Variants in CIROZ observed in about 807,000 individuals in gnomAD.
CIROZ encodes ciliated left-right organizer protein containing ZP-N domains.
At chr1:10,969,959 C>T in the CIROZ span, 1 of 1,524,272 alleles carries the variant, frequency 6.6e-7, no homozygotes, top group Non-Finnish European at 8.8e-7. Flanking sequence ...CAGCCACCGA[C>T]CACCTCTTAC....
chr1:10,951,568 T>G, the CIROZ span, among the ~76,000 whole-genome samples: 1 of 146,856 alleles, frequency 6.8e-6, no homozygotes, highest in Non-Finnish European at 1.5e-5. Context: ...AAAAAAAAAG[T>G]TTAAAAACTA....
At chr1:10,980,535 A>T in the CIROZ span, among the ~76,000 whole-genome samples, 3 of 152,256 alleles carry the variant, frequency 2.0e-5, no homozygotes, top group Non-Finnish European at 4.4e-5. Context: ...AGGTTCTCCC[A>T]GAGCGAGTAA....
At chr1:10,960,255 T>A in the CIROZ span, among the ~76,000 whole-genome samples, 1 of 151,888 alleles carries the variant, frequency 6.6e-6, no homozygotes, top group African/African-American at 2.4e-5. The surrounding 1 kb of genome is among the most constrained non-coding windows in gnomAD (Gnocchi z 4.6). Context: ...AATAAAAAAA[T>A]TAGCCAGGAG....
the CIROZ span, among the ~76,000 whole-genome samples, chr1:10,960,090 A>G: frequency 6.1e-3 from 932 of 152,294 alleles, 10 homozygotes; most frequent in African/African-American, 0.021. This position sits in a 1 kb window ranked among gnomAD's most constrained non-coding sequence, Gnocchi z 4.6. Context: ...CAATTCTGCT[A>G]AAAGAAGGAA....
the CIROZ span, chr1:10,949,871 C>A: frequency 6.9e-6 from 10 of 1,446,980 alleles, no homozygotes; most frequent in South Asian, 5.5e-5. Flanking sequence ...ATCCTCCCAA[C>A]ACCCTGCTGA....
At chr1:10,981,963 A>G in the CIROZ span, 1 of 1,534,684 alleles carries the variant, frequency 6.5e-7, no homozygotes, top group Non-Finnish European at 8.7e-7. Flanking sequence ...GTGTGGGCAC[A>G]CTAAGCATGC....
the CIROZ span, among the ~76,000 whole-genome samples, chr1:10,961,484 C>A: frequency 7.8e-4 from 119 of 152,312 alleles, no homozygotes; most frequent in African/African-American, 2.2e-3. Flanking sequence ...CCCAGGTCTT[C>A]TGAGCTGGGC....
the CIROZ span, among the ~76,000 whole-genome samples, chr1:10,978,949 G>A: frequency 6.6e-6 from 1 of 151,868 alleles, no homozygotes; most frequent in Non-Finnish European, 1.5e-5. Flanking sequence ...AAAATTGTGG[G>A]AAGCCCTGGA....
chr1:10,969,098 G>A, the CIROZ span, among the ~76,000 whole-genome samples: 363 of 152,212 alleles, frequency 2.4e-3, 6 homozygotes, highest in African/African-American at 8.6e-3. Context: ...AGGCCCTACC[G>A]GTCCCAGAAG....
the CIROZ span, among the ~76,000 whole-genome samples, chr1:10,960,810 T>A: frequency 6.6e-6 from 1 of 151,862 alleles, no homozygotes; most frequent in Non-Finnish European, 1.5e-5. The surrounding 1 kb of genome is among the most constrained non-coding windows in gnomAD (Gnocchi z 4.6). Flanking sequence ...CGGCTTTAAT[T>A]AAAACTTAAT....
At chr1:10,953,502 C>T in the CIROZ span, among the ~76,000 whole-genome samples, 8 of 152,296 alleles carry the variant, frequency 5.3e-5, no homozygotes, top group East Asian at 3.9e-4. Context: ...CAAGTTGCAT[C>T]GTGTCGTGCT....
the CIROZ span, among the ~76,000 whole-genome samples, chr1:10,969,276 C>T: frequency 6.6e-6 from 1 of 152,086 alleles, no homozygotes; most frequent in African/African-American, 2.4e-5. Flanking sequence ...GGGAAGCAAG[C>T]TATTTGCTCC....
the CIROZ span, among the ~76,000 whole-genome samples, chr1:10,979,812 C>T: frequency 2.0e-5 from 3 of 152,184 alleles, no homozygotes; most frequent in East Asian, 1.9e-4. Context: ...CTTTGGGAAG[C>T]GGAGGCGGGC....
the CIROZ span, chr1:10,948,465 G>A: frequency 6.2e-7 from 1 of 1,614,036 alleles, no homozygotes. Flanking sequence ...GGGACTTCCT[G>A]GAGACTTGGC....
chr1:10,960,030 G>A, the CIROZ span, among the ~76,000 whole-genome samples: 2 of 152,204 alleles, frequency 1.3e-5, no homozygotes, highest in Non-Finnish European at 2.9e-5. This position sits in a 1 kb window ranked among gnomAD's most constrained non-coding sequence, Gnocchi z 4.6. Flanking sequence ...TGCTGAACCA[G>A]GAAGAAGACA....
the CIROZ span, among the ~76,000 whole-genome samples, chr1:10,953,758 C>A: frequency 6.6e-6 from 1 of 152,148 alleles, no homozygotes; most frequent in Non-Finnish European, 1.5e-5. Context: ...AATGGATGCA[C>A]CCCCATCCGC....
the CIROZ span, among the ~76,000 whole-genome samples, chr1:10,963,668 T>G: frequency 6.6e-6 from 1 of 151,996 alleles, no homozygotes. Flanking sequence ...CTTTCTTCCC[T>G]GATGTTTAAA....
the CIROZ span, chr1:10,948,582 G>A: frequency 6.2e-7 from 1 of 1,614,090 alleles, no homozygotes; most frequent in African/African-American, 1.3e-5. Context: ...TGGCGGTGAA[G>A]GAGAGGAGGC....
At chr1:10,958,004 A>C in the CIROZ span, among the ~76,000 whole-genome samples, 8 of 152,234 alleles carry the variant, frequency 5.3e-5, no homozygotes, top group South Asian at 1.7e-3. Context: ...CGCAACTGAA[A>C]GAACGAACAC....
Sources: gnomAD v4.1 joint callset for allele counts (sites outside exome capture counted in the v4.1 genomes callset) on GRCh38, gnomAD v4.1.1 for gene constraint, Gnocchi (gnomAD v3.1) non-coding constraint, MANE v1.5 for transcripts, NCBI Gene and HGNC (gene_info 2026-07-23, HGNC 2026-07-21) for gene names.